PTPRE: variants seen among roughly 807,000 people sequenced by gnomAD.
PTPRE encodes protein tyrosine phosphatase receptor type E.
Under a neutral mutation model 102.0 loss-of-function variants are expected in PTPRE, and 51 were observed. The ratio of observed to expected loss-of-function variants is 0.50; its 90% CI spans 0.40 to 0.63. The LOEUF (loss-of-function observed/expected upper bound fraction) is 0.63. Among genes scored for constraint, PTPRE ranks in the 30% least tolerant of loss-of-function variants. The pLI is 0.00. For missense variants in PTPRE, 752 were observed against 915.1 expected (o/e 0.82, Z 2.30); for synonymous variants, 345 against 348.2 (o/e 0.99, Z 0.10).
intron 1 of PTPRE, among the ~76,000 whole-genome samples, chr10:127,966,192 T>A (rs1248344483): frequency 5.3e-5 from 8 of 152,078 alleles, no homozygotes; most frequent in Admixed American, 5.2e-4. Context: ...GCATCTGGGG[T>A]CAGTGTGGTT....
chr10:127,907,867 G>C lies in PTPRE; in HGVS notation c.-31+558G>C, dbSNP rs964539324. Among the ~76,000 whole-genome samples, 1 of 152,222 alleles carries C rather than the reference G, an allele frequency of 6.6e-6. No homozygotes were observed. Among genetic ancestry groups the C allele is most frequent in the Non-Finnish European group, 1.5e-5 (1 of 68,040 alleles). On this transcript the variant is annotated intron_variant, in intron 1 of 20. Transcript: ENST00000254667. This position sits in a 1 kb window ranked among gnomAD's most constrained non-coding sequence, Gnocchi z 4.8. ...GTGGAGCGGGATGCAGCAGCCGCCG[G>C]GGGTCGGAGATGCGGCAGGGAGACC...
intron 1 of PTPRE, among the ~76,000 whole-genome samples, chr10:127,961,018 C>CAGA (rs532402364): frequency 1.4e-5 from 2 of 140,364 alleles, no homozygotes; most frequent in African/African-American, 5.3e-5. Flanking sequence ...CAGACTCTGT[C>CAGA]AAAAAAAAAA....
intron 6 of PTPRE, among the ~76,000 whole-genome samples, chr10:128,054,598 C>T (rs1848804520): frequency 6.6e-6 from 1 of 151,682 alleles, no homozygotes; most frequent in Non-Finnish European, 1.5e-5. Context: ...GCTTTGGGAC[C>T]AACAAACCCC....
rs1341583878 is a variant in PTPRE at position 127,944,426 on chromosome 10, A to G, written c.-31+37117A>G. 3.4e-5 allele frequency among the ~76,000 whole-genome samples: 5 copies of G among 145,546 alleles called. No individual in the cohort carries two copies. The highest frequency in any genetic ancestry group is 1.3e-4 in the African/African-American group (5 of 38,540). ...TGGATGGATGGATGCATGCATGGAT[A>G]AGTGGATGGATGGATGGACAGATGG... On this transcript the variant is annotated intron_variant, in intron 1 of 20. Coordinates refer to ENST00000254667, the MANE Select transcript of PTPRE (RefSeq NM_006504.6). This position sits in a 1 kb window ranked among gnomAD's most constrained non-coding sequence, Gnocchi z 4.2.
intron 6 of PTPRE, among the ~76,000 whole-genome samples, chr10:128,053,751 A>AATTT (rs1412282437): frequency 3.3e-4 from 50 of 151,594 alleles, no homozygotes; most frequent in African/African-American, 1.1e-3. Context: ...AATTTCTTTT[A>AATTT]ATTTATTTAT....
At chr10:128,000,599 T>C (rs1853772823) in intron 2 of PTPRE, among the ~76,000 whole-genome samples, 1 of 152,252 alleles carries the variant, frequency 6.6e-6, no homozygotes, top group Admixed American at 6.5e-5. Flanking sequence ...AATGCTCCCA[T>C]GTGGGTAAGC....
In PTPRE at chr10:128,070,237, G is replaced by A; in HGVS notation, c.1144-64G>A. 2 of 1,519,014 alleles carry A rather than the reference G, an allele frequency of 1.3e-6. No individual in the cohort carries two copies. Among genetic ancestry groups the A allele is most frequent in the Non-Finnish European group, 1.8e-6 (2 of 1,131,046 alleles). The allele number at this position is 1,519,014 out of a possible 1,614,324, so 94.1% of individuals were successfully genotyped here. A position where few individuals can be genotyped will look rare whatever the true frequency, so the allele number is the denominator to read the frequency against. ...AAAGCCGCCCTCTTTGGTCTGCCAA[G>A]CTCCACGTGGGCCAAGACTGCAGGG... On this transcript the variant is annotated intron_variant, in intron 13 of 20. Transcript: ENST00000254667. This position sits in a 1 kb window ranked among gnomAD's most constrained non-coding sequence, Gnocchi z 4.8.
At chr10:128,012,490 G>A (rs11016012) in intron 2 of PTPRE, among the ~76,000 whole-genome samples, 6,633 of 152,260 alleles carry the variant, frequency 0.044, 260 homozygotes, top group Middle Eastern at 0.11. Context: ...CCTCACCATG[G>A]CAGCGAGGCA....
At position 127,991,590 on chromosome 10, in the gene PTPRE, A is replaced by C. The variant is rs180807765; in HGVS notation, c.-8+9294A>C. Among the ~76,000 whole-genome samples the C allele has an allele frequency of 4.3e-4, 66 of 152,348 alleles. No individual in the cohort carries two copies. In the Middle Eastern group the frequency reaches 0.02, roughly 47 times the overall value. ...TCAGCTTTCAAAAACATTTCTTTCT[A>C]TAAAAATATTTTCCAAAGTTGTGCA... On this transcript the variant is annotated intron_variant, in intron 2 of 20. Coordinates refer to ENST00000254667, the MANE Select transcript of PTPRE (RefSeq NM_006504.6).
chr10:128,069,500 A>G, intron 12 of PTPRE, 192 bp from the exon 13 acceptor site: 1 of 670,278 alleles, frequency 1.5e-6, no homozygotes, highest in Non-Finnish European at 2.5e-6. Flanking sequence ...GGTGGCTATC[A>G]GAGGACCGGC....
rs1851988922 is a variant in PTPRE, at chr10:128,084,939, A to G, written c.*2033A>G. 2 of 293,326 alleles carry G rather than the reference A, an allele frequency of 6.8e-6. No homozygotes were observed. Among genetic ancestry groups the G allele is most frequent in the Non-Finnish European group, 1.4e-5 (2 of 141,622 alleles). 18.2% of individuals were successfully genotyped at this position (293,326 alleles called of 1,614,324 possible). ...CTAACTGGCATCTCTTGTATCAAGA[A>G]GTACCTTTAAGGTAGACCTTTTCAG... On this transcript the variant is annotated 3_prime_UTR_variant, in exon 21 of 21. Transcript: ENST00000254667.
intron 1 of PTPRE, among the ~76,000 whole-genome samples, chr10:127,908,455 G>A (rs1310359014): frequency 1.3e-5 from 2 of 151,780 alleles, no homozygotes; most frequent in Non-Finnish European, 2.9e-5. Flanking sequence ...GAGGGGGGGT[G>A]TGGAGGGTCG....
intron 1 of PTPRE, among the ~76,000 whole-genome samples, chr10:127,908,676 T>G (rs1268083919): frequency 9.2e-5 from 14 of 152,098 alleles, no homozygotes; most frequent in Admixed American, 9.2e-4. Flanking sequence ...GCCCAAGAGG[T>G]GGGGGCTGCG....
intron 2 of PTPRE, among the ~76,000 whole-genome samples, chr10:128,029,422 A>T (rs1846541993): frequency 6.6e-6 from 1 of 152,140 alleles, no homozygotes; most frequent in African/African-American, 2.4e-5. Flanking sequence ...TCGCCAGCCC[A>T]TGGGGCGTCT....
intron 6 of PTPRE, among the ~76,000 whole-genome samples, chr10:128,050,395 T>C (rs1026319001): frequency 2.1e-5 from 3 of 145,454 alleles, no homozygotes; most frequent in Non-Finnish European, 4.5e-5. Context: ...GGCATATGGA[T>C]GGATGAGTGG....
intron 12 of PTPRE, 118 bp downstream of exon 12, chr10:128,068,404 G>C: frequency 8.5e-7 from 1 of 1,181,774 alleles, no homozygotes; most frequent in Non-Finnish European, 1.2e-6. Context: ...GGGCAGGGCT[G>C]ATGTGAACAC....
intron 2 of PTPRE, among the ~76,000 whole-genome samples, chr10:128,033,634 A>G (rs1846956201): frequency 6.6e-6 from 1 of 152,172 alleles, no homozygotes; most frequent in Non-Finnish European, 1.5e-5. Flanking sequence ...TATGGTGTAC[A>G]CATCATTTAT....
chr10:128,048,737 C>G (rs1011935148), intron 5 of PTPRE, among the ~76,000 whole-genome samples: 4 of 152,152 alleles, frequency 2.6e-5, no homozygotes, highest in Admixed American at 2.6e-4. Context: ...AGCAGGGAAG[C>G]TCAGCATCAC....
rs2135984991 is a variant in PTPRE at position 128,066,199 on chromosome 10, G to A, written c.843+5G>A. 1.2e-6 allele frequency: 2 copies of A among 1,612,984 alleles called. No homozygotes were observed. Among genetic ancestry groups the A allele is most frequent in the Non-Finnish European group, 1.7e-6 (2 of 1,179,026 alleles). ...CGGAAGTTCTGCATACAGCCAGTAA[G>A]CATCTCTAGTTGCTGCCCTTCCAGA... is the stretch of plus-strand genomic sequence containing the variant. On this transcript the variant is annotated splice_donor_5th_base_variant and intron_variant, in intron 11 of 20. Transcript: ENST00000254667.
Sources: gnomAD v4.1 joint callset for allele counts (sites outside exome capture counted in the v4.1 genomes callset) on GRCh38, gnomAD v4.1.1 for gene constraint, Gnocchi (gnomAD v3.1) non-coding constraint, MANE v1.5 for transcripts, NCBI Gene and HGNC (gene_info 2026-07-23, HGNC 2026-07-21) for gene names.